The following KCNH7 variants were observed in gnomAD, a reference collection of about 807,000 sequenced individuals.
KCNH7 encodes the protein voltage-gated inwardly rectifying potassium channel KCNH7.
In KCNH7, 49 loss-of-function variants were observed where a neutral mutation model predicts 120.8. The observed-to-expected ratio is 0.41, with a 90% confidence interval of 0.32 to 0.51. The LOEUF (loss-of-function observed/expected upper bound fraction) is 0.51, where lower values mean the gene tolerates loss of function less well. KCNH7 is among the 20% of genes least tolerant of loss of function. KCNH7 has a pLI of 0.38. For missense variants in KCNH7, 1,097 were observed against 1,446.6 expected (o/e 0.76, Z 3.92); for synonymous variants, 547 against 516.1 (o/e 1.06, Z -0.81).
At chr2:162,552,995 C>T (rs1043520186) in intron 2 of KCNH7, among the ~76,000 whole-genome samples, 8 of 152,100 alleles carry the variant, frequency 5.3e-5, no homozygotes, top group African/African-American at 1.7e-4. Flanking sequence ...TGGTAAATGG[C>T]GTTGTTTAAA....
intron 2 of KCNH7, among the ~76,000 whole-genome samples, chr2:162,684,480 A>G (rs895745434): frequency 5.9e-5 from 9 of 152,192 alleles, no homozygotes; most frequent in African/African-American, 2.2e-4. Flanking sequence ...CAGAATCTAG[A>G]AAGAACTTAA....
At chr2:162,397,935 A>T (rs1472943304) in intron 10 of KCNH7, among the ~76,000 whole-genome samples, 3 of 151,866 alleles carry the variant, frequency 2.0e-5, no homozygotes, top group Non-Finnish European at 4.4e-5. Context: ...TCCTGATTCC[A>T]GATGCATCCA....
In KCNH7 at chr2:162,380,006, C is replaced by T. The variant is rs779519091; in HGVS notation, c.2978G>A (p.Arg993Gln). 3 of 1,613,736 alleles carry T rather than the reference C, an allele frequency of 1.9e-6. No individual in the cohort carries two copies. Among genetic ancestry groups the T allele is most frequent in the East Asian group, 2.2e-5 (1 of 44,866 alleles). The stretch of plus-strand genomic sequence containing the variant: ...ATGTGCATTTTCTCGTTCCCAGCTT[C>T]GCATGTCAGTGATATCTGTGGAAAA... ...SHSCKDITDM[R>Q]SWERENAHPQ... Residue 993 changes from arginine (R) to glutamine (Q), a missense_variant, in exon 14 of 16, where the codon CGA becomes CAA. Coordinates refer to ENST00000332142, the MANE Select transcript of KCNH7 (RefSeq NM_033272.4).
At chr2:162,694,905 G>A (rs138292366) in intron 2 of KCNH7, among the ~76,000 whole-genome samples, 1 of 152,114 alleles carries the variant, frequency 6.6e-6, no homozygotes, top group African/African-American at 2.4e-5. Flanking sequence ...CACCATGCCA[G>A]CTAATTTTTG....
chr2:162,427,032 T>G (rs1422951071), intron 8 of KCNH7, among the ~76,000 whole-genome samples: 1 of 152,116 alleles, frequency 6.6e-6, no homozygotes, highest in Non-Finnish European at 1.5e-5. Flanking sequence ...TGAGAATCAT[T>G]CTGTTGTGTG....
At chr2:162,711,164 G>A (rs1322026521) in intron 2 of KCNH7, among the ~76,000 whole-genome samples, 1 of 152,234 alleles carries the variant, frequency 6.6e-6, no homozygotes, top group Middle Eastern at 3.2e-3. Flanking sequence ...GGGAAATGTA[G>A]ATTACATAAT....
intron 1 of KCNH7, among the ~76,000 whole-genome samples, chr2:162,837,923 C>T (rs1452343240): frequency 1.3e-5 from 2 of 152,188 alleles, no homozygotes; most frequent in Non-Finnish European, 2.9e-5. Context: ...GATATATTTG[C>T]ATTGATTCAA....
At chr2:162,586,896 G>A (rs6706201) in intron 2 of KCNH7, among the ~76,000 whole-genome samples, 6,648 of 151,470 alleles carry the variant, frequency 0.044, 291 homozygotes, top group East Asian at 0.11. Context: ...TTTTTTGCAT[G>A]CTTCTATCAT....
chr2:162,698,611 G>A (rs1449202780), intron 2 of KCNH7, among the ~76,000 whole-genome samples: 1 of 152,078 alleles, frequency 6.6e-6, no homozygotes, highest in Non-Finnish European at 1.5e-5. Context: ...ATTAGAAAGA[G>A]CACCGCTTCA....
At chr2:162,834,626 C>T (rs1049805905) in intron 2 of KCNH7, among the ~76,000 whole-genome samples, 1 of 151,976 alleles carries the variant, frequency 6.6e-6, no homozygotes, top group Non-Finnish European at 1.5e-5. Flanking sequence ...TGTCAATATA[C>T]TAATATGTTC....
intron 6 of KCNH7, among the ~76,000 whole-genome samples, chr2:162,452,355 T>A (rs1454059796): frequency 6.6e-6 from 1 of 152,076 alleles, no homozygotes; most frequent in East Asian, 1.9e-4. Flanking sequence ...AAAAAAGAAA[T>A]AGGTTTACAA....
chr2:162,811,318 A>T (rs1684726685), intron 2 of KCNH7, among the ~76,000 whole-genome samples: 1 of 152,184 alleles, frequency 6.6e-6, no homozygotes, highest in Admixed American at 6.5e-5. Flanking sequence ...ATTTGAAAAT[A>T]TTATAAACAA....
At position 162,400,393 on chromosome 2, in the gene KCNH7, G is replaced by T. The variant is rs761876733; in HGVS notation, c.2203C>A (p.Leu735Ile). Residue 735 changes from leucine to isoleucine, a missense_variant, in exon 10 of 16, where the codon CTC becomes ATC. This residue lies in a region of KCNH7 where 101 missense variants were observed against 176.3 expected (regional missense o/e 0.57). Coordinates refer to ENST00000332142, the MANE Select transcript of KCNH7 (RefSeq NM_033272.4). ...CAGTTTTGCAGCAATGTCTGGTTGA[G>T]ATGTAGACAAATGTCTGCTTGTAAG... ...ECLQADICLHLNQTLLQNCKA... is the reference protein window; with the variant it reads ...ECLQADICLHINQTLLQNCKA... 1.2e-6 allele frequency: 2 copies of T among 1,612,214 alleles called. No homozygotes were observed. The highest frequency in any genetic ancestry group is 1.7e-6 in the Non-Finnish European group (2 of 1,178,788).
At chr2:162,582,638 C>G (rs910712003) in intron 2 of KCNH7, among the ~76,000 whole-genome samples, 1 of 152,098 alleles carries the variant, frequency 6.6e-6, no homozygotes, top group African/African-American at 2.4e-5. Context: ...TGCCTTGGCA[C>G]TGTGAGACGA....
At chr2:162,609,397 TC>T (rs2105968381) in intron 2 of KCNH7, among the ~76,000 whole-genome samples, 1 of 152,246 alleles carries the variant, frequency 6.6e-6, no homozygotes, top group African/African-American at 2.4e-5. Flanking sequence ...TTGGAGCCTG[TC>T]CCCACTCAGC....
intron 2 of KCNH7, among the ~76,000 whole-genome samples, chr2:162,638,021 T>C (rs1285559135): frequency 6.6e-6 from 1 of 152,070 alleles, no homozygotes; most frequent in East Asian, 1.9e-4. Flanking sequence ...ACCCCTCACA[T>C]TTTATCGTTC....
At chr2:162,459,726 C>G (rs1689085201) in intron 6 of KCNH7, among the ~76,000 whole-genome samples, 1 of 152,156 alleles carries the variant, frequency 6.6e-6, no homozygotes, top group Non-Finnish European at 1.5e-5. Flanking sequence ...CATCCATATT[C>G]TGCACAATCA....
intron 2 of KCNH7, among the ~76,000 whole-genome samples, chr2:162,612,301 C>T (rs1363630318): frequency 1.3e-5 from 2 of 152,046 alleles, no homozygotes; most frequent in African/African-American, 4.8e-5. Flanking sequence ...CAGCAGGTAC[C>T]ACACAAAGTC....
At chr2:162,657,251 C>T (rs187056415) in intron 2 of KCNH7, among the ~76,000 whole-genome samples, 2 of 152,228 alleles carry the variant, frequency 1.3e-5, no homozygotes, top group East Asian at 1.9e-4. Flanking sequence ...ATATATCCAG[C>T]GCTATAGTTT....
Sources: gnomAD v4.1 joint callset for allele counts (sites outside exome capture counted in the v4.1 genomes callset) on GRCh38, gnomAD v4.1.1 for gene constraint, gnomAD v4.1.1 regional missense constraint, MANE v1.5 for transcripts, NCBI Gene and HGNC (gene_info 2026-07-23, HGNC 2026-07-21) for gene names.